The following DNAH5 variants were observed in gnomAD, a reference collection of about 807,000 sequenced individuals.
The protein encoded by DNAH5 is axonemal beta dynein heavy chain 5.
A neutral mutation model predicts 518.2 loss-of-function variants in DNAH5; 372 were observed. The ratio of observed to expected loss-of-function variants is 0.72; its 90% CI spans 0.66 to 0.78. DNAH5 has a LOEUF of 0.78. Ranked by LOEUF, DNAH5 falls within the 30% of genes least tolerant of loss-of-function variation. The pLI, the probability that DNAH5 is intolerant of heterozygous loss-of-function variation, is 0.00. For synonymous variants in DNAH5, 2,039 were observed against 2,025.9 expected, an observed-to-expected ratio of 1.01 and a Z score of -0.17; for missense variants, 5,523 against 5,687.0, an observed-to-expected ratio of 0.97 and a Z score of 0.93.
intron 78 of DNAH5, among the ~76,000 whole-genome samples, chr5:13,695,064 G>A (rs758432684): frequency 1.2e-4 from 19 of 152,136 alleles, no homozygotes; most frequent in Admixed American, 3.3e-4. Flanking sequence ...TGGCCTCTCC[G>A]CTTCATCTCT....
chr5:13,933,169 T>C lies in DNAH5; in HGVS notation c.58-1925A>G, dbSNP rs143901568. ...TATGATACAGACATATATATAGATA[T>C]AGACATAGGCACATATAGACATAGA... is the stretch of plus-strand genomic sequence containing the variant. On this transcript the variant is annotated intron_variant, in intron 1 of 78. Transcript: ENST00000265104. Among the ~76,000 whole-genome samples, 414 of 152,232 alleles carry C rather than the reference T, an allele frequency of 2.7e-3. 2 individuals carry two copies. The highest frequency in any genetic ancestry group is 9.8e-3 in the African/African-American group (406 of 41,544).
chr5:13,835,114 G>A (rs9654439), intron 35 of DNAH5, among the ~76,000 whole-genome samples: 62,801 of 151,750 alleles, frequency 0.41, 13,421 homozygotes, highest in East Asian at 0.6. Flanking sequence ...GTGAAACCCC[G>A]CATCTACTAA....
rs114203013 is a variant in DNAH5, at chr5:13,822,737, T to C, written c.6687+526A>G. The stretch of plus-strand genomic sequence containing the variant: ...TATAAAAAGTTAAAGCTGCACCAAG[T>C]ACCATGGGAAGTCCAGAGACATCAT... On this transcript the variant is annotated intron_variant, in intron 40 of 78. Transcript: ENST00000265104. Among the ~76,000 whole-genome samples, 344 of 152,322 alleles carry C rather than the reference T, an allele frequency of 2.3e-3. 3 individuals carry two copies. The highest frequency in any genetic ancestry group is 8.0e-3 in the African/African-American group (333 of 41,568).
intron 25 of DNAH5, among the ~76,000 whole-genome samples, chr5:13,866,664 G>A (rs1046716243): frequency 6.6e-6 from 1 of 152,092 alleles, no homozygotes; most frequent in African/African-American, 2.4e-5. Context: ...TTGTAAAGTG[G>A]CCTATAATCT....
intron 75 of DNAH5, among the ~76,000 whole-genome samples, chr5:13,711,957 C>T (rs543288249): frequency 3.5e-4 from 53 of 152,230 alleles, no homozygotes; most frequent in Non-Finnish European, 5.3e-4. Context: ...TCTACAAATT[C>T]AATGCAATCC....
chr5:13,956,193 G>C (rs1780751973), intron 1 of DNAH5, among the ~76,000 whole-genome samples: 1 of 152,098 alleles, frequency 6.6e-6, no homozygotes, highest in African/African-American at 2.4e-5. Flanking sequence ...TCCCTTCTCT[G>C]AAATTCTACA....
intron 1 of DNAH5, among the ~76,000 whole-genome samples, chr5:13,960,471 A>T (rs1781103149): frequency 6.6e-6 from 1 of 152,240 alleles, no homozygotes; most frequent in African/African-American, 2.4e-5. Flanking sequence ...TTTGTAAGCA[A>T]AATGTGATTG....
chr5:13,745,941 T>G (rs1749267114), intron 65 of DNAH5, among the ~76,000 whole-genome samples: 1 of 152,146 alleles, frequency 6.6e-6, no homozygotes, highest in Non-Finnish European at 1.5e-5. Context: ...TGGACTGTAT[T>G]TTTTATGATT....
intron 38 of DNAH5, among the ~76,000 whole-genome samples, chr5:13,829,102 C>G (rs982479466): frequency 2.6e-4 from 40 of 152,148 alleles, no homozygotes; most frequent in African/African-American, 9.4e-4. Context: ...AAGGCTGCAA[C>G]ATATAAACAA....
At position 13,782,960 on chromosome 5, in the gene DNAH5, G is replaced by A. The variant is rs975635959; in HGVS notation, c.8821-2001C>T. On this transcript the variant is annotated intron_variant, in intron 52 of 78. Coordinates refer to ENST00000265104, the MANE Select transcript of DNAH5 (RefSeq NM_001369.3). ...GAATAATGTCCACCCTGCCCCTCAGGAGCTCACGCTGGAACAGGGGACAGA... is the reference window on the plus strand; with the variant it reads ...GAATAATGTCCACCCTGCCCCTCAGAAGCTCACGCTGGAACAGGGGACAGA... Among the ~76,000 whole-genome samples the A allele has an allele frequency of 2.6e-5, 4 of 152,162 alleles. No individual in the cohort carries two copies. In the South Asian group the frequency reaches 8.3e-4, roughly 31 times the overall value.
intron 29 of DNAH5, chr5:13,860,493 T>A (rs1768254832): frequency 6.6e-6 from 1 of 152,228 alleles, no homozygotes; most frequent in Non-Finnish European, 1.5e-5. Context: ...TTGGGATTTT[T>A]TTAAGTTCCT....
At chr5:13,872,545 CTAT>C (rs1031150735) in intron 22 of DNAH5, among the ~76,000 whole-genome samples, 1 of 152,096 alleles carries the variant, frequency 6.6e-6, no homozygotes, top group Non-Finnish European at 1.5e-5. Context: ...ATATTTTCCA[CTAT>C]TATTATAACT....
chr5:13,736,237 G>A (rs946773057), intron 66 of DNAH5, among the ~76,000 whole-genome samples: 6 of 151,984 alleles, frequency 3.9e-5, no homozygotes, highest in Non-Finnish European at 8.8e-5. Context: ...AATTTCAAAG[G>A]TTGTGTTAGT....
At chr5:13,706,911 C>T (rs138908628) in intron 76 of DNAH5, among the ~76,000 whole-genome samples, 5 of 152,282 alleles carry the variant, frequency 3.3e-5, no homozygotes, top group African/African-American at 4.8e-5. Context: ...GGGTCCCTGG[C>T]GAAGGCTCCA....
chr5:13,825,346 A>AAATAAATAAATAAATAAATAAAT (rs1762759354), intron 38 of DNAH5, among the ~76,000 whole-genome samples: 9 of 150,508 alleles, frequency 6.0e-5, no homozygotes, highest in African/African-American at 2.2e-4. Flanking sequence ...TGTCTTGCAA[A>AAATAAATAAATAAATAAATAAAT]AAATAAATAA....
intron 1 of DNAH5, among the ~76,000 whole-genome samples, chr5:13,981,218 G>A (rs1782651604): frequency 6.6e-6 from 1 of 152,192 alleles, no homozygotes; most frequent in South Asian, 2.1e-4. Flanking sequence ...GTTCATAGCA[G>A]GTGTTCAAAA....
intron 78 of DNAH5, among the ~76,000 whole-genome samples, chr5:13,694,352 C>T (rs1239757015): frequency 1.3e-5 from 2 of 152,238 alleles, no homozygotes; most frequent in African/African-American, 4.8e-5. Flanking sequence ...TTAGAAGCCA[C>T]TGAAGATATA....
Position 13,691,908 on chromosome 5 carries a change from G to A in DNAH5, c.*76C>T, listed in dbSNP as rs1341081591. 2.4e-5 allele frequency: 38 copies of A among 1,582,702 alleles called. No homozygotes were observed. Among genetic ancestry groups the A allele is most frequent in the Non-Finnish European group, 2.9e-5 (34 of 1,152,580 alleles). Reference sequence around the variant, plus strand: ...ACGACCTAACATACACTGTCCAGCAGTCATACAGAAATAAAGGTTACAATA... The same window carrying A: ...ACGACCTAACATACACTGTCCAGCAATCATACAGAAATAAAGGTTACAATA... On this transcript the variant is annotated 3_prime_UTR_variant, in exon 79 of 79. Coordinates refer to ENST00000265104, the MANE Select transcript of DNAH5 (RefSeq NM_001369.3).
At chr5:13,950,138 G>A (rs1020896116) in intron 1 of DNAH5, among the ~76,000 whole-genome samples, 2 of 152,142 alleles carry the variant, frequency 1.3e-5, no homozygotes, top group Non-Finnish European at 2.9e-5. Context: ...GAAAACTTAT[G>A]AGACCACTTG....
Sources: allele counts gnomAD v4.1 joint callset (sites outside exome capture counted in the v4.1 genomes callset), GRCh38; gene constraint gnomAD v4.1.1; transcripts MANE v1.5; gene names NCBI Gene and HGNC (gene_info 2026-07-23, HGNC 2026-07-21).